The following CACNA2D1 variants were observed in gnomAD, a reference collection of about 807,000 sequenced individuals.
CACNA2D1 encodes the protein voltage-dependent calcium channel subunit alpha-2/delta-1.
Under a neutral mutation model 171.5 loss-of-function variants are expected in CACNA2D1, and 53 were observed. That is an observed-to-expected ratio of 0.31 (90% CI 0.25 to 0.39). CACNA2D1 has a LOEUF of 0.39. CACNA2D1 is among the 10% of genes least tolerant of loss of function. The pLI is 1.00. For missense variants in CACNA2D1, 903 were observed against 1,299.8 expected (o/e 0.69, Z 4.69); for synonymous variants, 442 against 443.1 (o/e 1.00, Z 0.03).
intron 30 of CACNA2D1, 110 bp from the exon 31 acceptor site, chr7:81,967,317 AAGATT>A (rs1176513724): frequency 1.9e-5 from 18 of 926,176 alleles, no homozygotes; most frequent in African/African-American, 1.7e-4. Context: ...GTAGAAAAAT[AAGATT>A]AAACAGTCTA....
At chr7:82,376,250 T>A (rs536338509) in intron 1 of CACNA2D1, among the ~76,000 whole-genome samples, 1 of 152,236 alleles carries the variant, frequency 6.6e-6, no homozygotes, top group African/African-American at 2.4e-5. Context: ...CAAATACCTA[T>A]CACTCACACA....
chr7:82,184,886 A>C (rs2129175385), intron 3 of CACNA2D1, among the ~76,000 whole-genome samples: 1 of 152,308 alleles, frequency 6.6e-6, no homozygotes, highest in East Asian at 1.9e-4. Context: ...AGCACTTTAC[A>C]GAAATTATCT....
chr7:82,157,806 C>T (rs1794520292), intron 4 of CACNA2D1, among the ~76,000 whole-genome samples: 1 of 151,742 alleles, frequency 6.6e-6, no homozygotes, highest in Admixed American at 6.6e-5. Flanking sequence ...GTTTCAAAAC[C>T]CAAAATGCTC....
At chr7:81,984,843 C>T (rs1796793780) in intron 21 of CACNA2D1, 132 bp from the exon 22 acceptor site, 2 of 663,998 alleles carry the variant, frequency 3.0e-6, no homozygotes, top group East Asian at 2.8e-5. Context: ...ATTACTTTGA[C>T]AAGAAAATGC....
intron 32 of CACNA2D1, 24 bp downstream of exon 32, chr7:81,965,570 T>C (rs1408964124): frequency 2.4e-6 from 3 of 1,270,186 alleles, no homozygotes; most frequent in African/African-American, 1.5e-5. Flanking sequence ...GAAAGCCTAA[T>C]TCCCTCTTAT....
intron 25 of CACNA2D1, among the ~76,000 whole-genome samples, chr7:81,973,633 A>G (rs1255547913): frequency 6.6e-6 from 1 of 152,024 alleles, no homozygotes; most frequent in African/African-American, 2.4e-5. Context: ...GAGAACCAAA[A>G]AAGTCAATTA....
chr7:82,084,509 A>T (rs1252320117), intron 7 of CACNA2D1, among the ~76,000 whole-genome samples: 1 of 152,200 alleles, frequency 6.6e-6, no homozygotes, highest in African/African-American at 2.4e-5. Flanking sequence ...TGTTCCAGGT[A>T]TATACCTAAG....
At chr7:82,252,683 A>G (rs1436988453) in intron 3 of CACNA2D1, among the ~76,000 whole-genome samples, 1 of 152,138 alleles carries the variant, frequency 6.6e-6, no homozygotes, top group African/African-American at 2.4e-5. Flanking sequence ...TGAGGTCAAG[A>G]GATCGAGACC....
chr7:82,290,410 G>A (rs557659086), intron 3 of CACNA2D1, among the ~76,000 whole-genome samples: 2 of 152,140 alleles, frequency 1.3e-5, no homozygotes, highest in South Asian at 4.2e-4. Flanking sequence ...TAGACAAGAC[G>A]TAAGAGTCCA....
intron 21 of CACNA2D1, among the ~76,000 whole-genome samples, chr7:81,986,912 C>T (rs530467078): frequency 6.6e-6 from 1 of 152,204 alleles, no homozygotes; most frequent in African/African-American, 2.4e-5. Context: ...AAATTCTTCT[C>T]AAGGGAAATT....
At chr7:82,272,781 T>C (rs1377820462) in intron 3 of CACNA2D1, among the ~76,000 whole-genome samples, 1 of 152,176 alleles carries the variant, frequency 6.6e-6, no homozygotes, top group Non-Finnish European at 1.5e-5. Context: ...AATAACATTG[T>C]TTTCTTCATT....
chr7:82,321,546 A>T (rs1815888672), intron 3 of CACNA2D1, among the ~76,000 whole-genome samples: 1 of 152,154 alleles, frequency 6.6e-6, no homozygotes, highest in Admixed American at 6.5e-5. Flanking sequence ...CTTCCTCATA[A>T]GGTTATTCTG....
chr7:82,336,050 G>A lies in CACNA2D1; in HGVS notation c.178-799C>T, dbSNP rs10274278. Among the ~76,000 whole-genome samples, 729 of 152,254 alleles carry A rather than the reference G, an allele frequency of 4.8e-3. 6 individuals are homozygous for A. The highest frequency in any genetic ancestry group is 0.017 in the African/African-American group (704 of 41,566). On this transcript the variant is annotated intron_variant, in intron 2 of 38. Transcript: ENST00000356860. ...GAGGGGAAGCAGTCACAGTGTTTGT[G>A]GCTGGAGGGCTGAGATGAGAAGGAA...
rs111283926 is a variant in CACNA2D1, at chr7:82,088,996, A to C, written c.527-4096T>G. Among the ~76,000 whole-genome samples, 125 of 152,126 alleles carry C rather than the reference A, an allele frequency of 8.2e-4. 1 individual carries two copies. The highest frequency in any genetic ancestry group is 2.7e-3 in the African/African-American group (111 of 41,512). Reference sequence around the variant, plus strand: ...CTATGAGAATCTAATGCTGCTGCTCACCTGACAGAAGGCAGAGCTCAGGAA... The same window carrying C: ...CTATGAGAATCTAATGCTGCTGCTCCCCTGACAGAAGGCAGAGCTCAGGAA... On this transcript the variant is annotated intron_variant, in intron 6 of 38. Coordinates refer to ENST00000356860, the MANE Select transcript of CACNA2D1 (RefSeq NM_000722.4).
At chr7:82,113,001 CTTCTT>C (rs1482506170) in intron 6 of CACNA2D1, among the ~76,000 whole-genome samples, 1 of 152,090 alleles carries the variant, frequency 6.6e-6, no homozygotes, top group Non-Finnish European at 1.5e-5. Context: ...TGAAAATTGT[CTTCTT>C]TTATCAAAAT....
intron 3 of CACNA2D1, among the ~76,000 whole-genome samples, chr7:82,235,502 G>A (rs993002237): frequency 6.6e-6 from 1 of 151,958 alleles, no homozygotes; most frequent in Non-Finnish European, 1.5e-5. Context: ...ATTTCCAGTC[G>A]CTCATGCCAT....
rs193252651 is a variant in CACNA2D1 at position 81,966,178 on chromosome 7, C to T, written c.2503-513G>A. Among the ~76,000 whole-genome samples, 659 of 133,418 alleles carry T rather than the reference C, an allele frequency of 4.9e-3. 4 individuals are homozygous for T. The highest frequency in any genetic ancestry group is 0.017 in the African/African-American group (595 of 34,954). The allele number at this position is 133,418 out of a possible 152,430, so 87.5% of individuals were successfully genotyped here. A position where few individuals can be genotyped will look rare whatever the true frequency, so the allele number is the denominator to read the frequency against. Reference sequence around the variant, plus strand: ...GATAATTGGAGATTTAAAAGCAAAACGCAAAACAAAAAATGTCCATGGTTA... The same window carrying T: ...GATAATTGGAGATTTAAAAGCAAAATGCAAAACAAAAAATGTCCATGGTTA... On this transcript the variant is annotated intron_variant, in intron 31 of 38. Transcript: ENST00000356860.
intron 4 of CACNA2D1, among the ~76,000 whole-genome samples, chr7:82,168,109 A>G (rs776831785): frequency 2.0e-5 from 3 of 152,060 alleles, no homozygotes; most frequent in Non-Finnish European, 4.4e-5. Flanking sequence ...TACAGCATAC[A>G]ATTGCTGATG....
At chr7:82,133,513 G>C (rs1210293564) in intron 5 of CACNA2D1, among the ~76,000 whole-genome samples, 1 of 152,126 alleles carries the variant, frequency 6.6e-6, no homozygotes, top group Non-Finnish European at 1.5e-5. Flanking sequence ...TTTTGTAAGT[G>C]ATATCGCACT....
Sources: allele counts gnomAD v4.1 joint callset (sites outside exome capture counted in the v4.1 genomes callset), GRCh38; gene constraint gnomAD v4.1.1; transcripts MANE v1.5; gene names NCBI Gene and HGNC (gene_info 2026-07-23, HGNC 2026-07-21).